The following CCSER1 variants were observed in gnomAD, a reference collection of about 807,000 sequenced individuals.
The protein encoded by CCSER1 is coiled-coil serine rich protein 1.
In CCSER1, 41 loss-of-function variants were observed where a neutral mutation model predicts 82.0. That is an observed-to-expected ratio of 0.50 (90% CI 0.39 to 0.65). The LOEUF is 0.65. CCSER1 is among the 30% of genes least tolerant of loss of function. CCSER1 has a pLI of 0.00. For missense variants in CCSER1, 1,119 were observed against 1,064.2 expected, an observed-to-expected ratio of 1.05 and a Z score of -0.72; for synonymous variants, 414 against 383.9, an observed-to-expected ratio of 1.08 and a Z score of -0.92.
intron 5 of CCSER1, among the ~76,000 whole-genome samples, chr4:90,611,234 G>A (rs906310546): frequency 2.0e-5 from 3 of 151,774 alleles, no homozygotes; most frequent in Non-Finnish European, 4.4e-5. Flanking sequence ...GAAAAAAGCT[G>A]TCAAATGACA....
intron 9 of CCSER1, among the ~76,000 whole-genome samples, chr4:91,042,024 A>G (rs1349870128): frequency 6.6e-6 from 1 of 152,154 alleles, no homozygotes; most frequent in Non-Finnish European, 1.5e-5. Flanking sequence ...TTCAGTTATA[A>G]AATCTAACCT....
rs76331329 is a variant in CCSER1 at position 90,732,027 on chromosome 4, T to TTCTCTCTCTCTCTCTCTCTCTCTCTC, written c.2010+8045_2010+8070dup. On this transcript the variant is annotated intron_variant, in intron 7 of 10. Coordinates refer to ENST00000509176, the MANE Select transcript of CCSER1 (RefSeq NM_001145065.2). ...CTGAAAACACTGTACCTATTGGGAT[T>TTCTCTCTCTCTCTCTCTCTCTCTCTC]TCTCTCTCTCTCTCTCTCTCTCTCT... is the stretch of plus-strand genomic sequence containing the variant. Among the ~76,000 whole-genome samples the TTCTCTCTCTCTCTCTCTCTCTCTCTC allele has an allele frequency of 5.6e-4, 73 of 131,170 alleles. 1 individual carries two copies. Among genetic ancestry groups the TTCTCTCTCTCTCTCTCTCTCTCTCTC allele is most frequent in the African/African-American group, 1.8e-3 (54 of 30,840 alleles). The allele number at this position is 131,170 out of a possible 152,430, so 86.1% of individuals were successfully genotyped here. A position where few individuals can be genotyped will look rare whatever the true frequency, so the allele number is the denominator to read the frequency against.
intron 6 of CCSER1, among the ~76,000 whole-genome samples, chr4:90,672,111 A>C (rs1057087837): frequency 1.4e-4 from 21 of 150,358 alleles, no homozygotes; most frequent in Non-Finnish European, 1.8e-4. Context: ...ATAATTCTTA[A>C]GGACCCTAGA....
intron 10 of CCSER1, among the ~76,000 whole-genome samples, chr4:91,211,228 A>G (rs1055328181): frequency 3.3e-5 from 5 of 152,032 alleles, no homozygotes; most frequent in African/African-American, 1.2e-4. Context: ...GAGGAAGATG[A>G]TGGTGGCTTG....
Position 90,763,947 on chromosome 4 carries a change from A to G in CCSER1, c.2010+39956A>G, listed in dbSNP as rs147901858. 1.5e-3 allele frequency among the ~76,000 whole-genome samples: 235 copies of G among 152,284 alleles called. 1 individual carries two copies. Among genetic ancestry groups the G allele is most frequent in the African/African-American group, 5.5e-3 (227 of 41,570 alleles). ...CTCTGCATTAGCTTTTAAAATGTTT[A>G]TGATTTTATAAAGAGCTTCTAATTT... On this transcript the variant is annotated intron_variant, in intron 7 of 10. Coordinates refer to ENST00000509176, the MANE Select transcript of CCSER1 (RefSeq NM_001145065.2).
intron 3 of CCSER1, among the ~76,000 whole-genome samples, chr4:90,369,276 GAAGA>G (rs997607273): frequency 1.5e-4 from 21 of 142,718 alleles, no homozygotes; most frequent in South Asian, 2.3e-4. Flanking sequence ...GAAAGAAGAA[GAAGA>G]AAGAAAGGAG....
chr4:90,610,879 T>G (rs1036334489), intron 5 of CCSER1, among the ~76,000 whole-genome samples: 4 of 152,028 alleles, frequency 2.6e-5, no homozygotes, highest in African/African-American at 7.2e-5. Flanking sequence ...ATATTCTTTT[T>G]TTGTTGTTGT....
intron 7 of CCSER1, among the ~76,000 whole-genome samples, chr4:90,770,955 T>G (rs1222286606): frequency 1.3e-5 from 2 of 152,298 alleles, no homozygotes; most frequent in East Asian, 3.9e-4. Flanking sequence ...AAAAAACAGT[T>G]GTGATTTTTA....
At chr4:90,295,606 C>T (rs1260218373) in intron 1 of CCSER1, among the ~76,000 whole-genome samples, 1 of 151,918 alleles carries the variant, frequency 6.6e-6, no homozygotes, top group Non-Finnish European at 1.5e-5. Flanking sequence ...TCAGGAATTA[C>T]TTGTTCTTAT....
At chr4:91,195,894 C>T (rs1735367827) in intron 10 of CCSER1, among the ~76,000 whole-genome samples, 1 of 151,806 alleles carries the variant, frequency 6.6e-6, no homozygotes, top group African/African-American at 2.4e-5. Context: ...TTCATGACTC[C>T]ACCTTGCCAT....
chr4:90,156,331 GA>G, intron 1 of CCSER1, among the ~76,000 whole-genome samples: 1 of 152,250 alleles, frequency 6.6e-6, no homozygotes, highest in East Asian at 1.9e-4. Flanking sequence ...GTGTGGTGCT[GA>G]AAAAAATGTG....
At chr4:91,400,753 G>A (rs1578365206) in intron 10 of CCSER1, among the ~76,000 whole-genome samples, 1 of 151,400 alleles carries the variant, frequency 6.6e-6, no homozygotes, top group African/African-American at 2.4e-5. Flanking sequence ...TCAACTGCTT[G>A]TAAAATGTAT....
At chr4:90,833,014 C>A (rs1186529805) in intron 8 of CCSER1, among the ~76,000 whole-genome samples, 1 of 152,172 alleles carries the variant, frequency 6.6e-6, no homozygotes. Flanking sequence ...TTATTCACAG[C>A]TTTTCAAATA....
intron 9 of CCSER1, among the ~76,000 whole-genome samples, chr4:91,046,809 C>T (rs1458203922): frequency 6.6e-6 from 1 of 151,980 alleles, no homozygotes; most frequent in Non-Finnish European, 1.5e-5. Flanking sequence ...CCCGCACCTC[C>T]CAGGTTCAAG....
intron 10 of CCSER1, among the ~76,000 whole-genome samples, chr4:91,373,663 C>T (rs137995351): frequency 6.6e-6 from 1 of 152,026 alleles, no homozygotes; most frequent in African/African-American, 2.4e-5. Flanking sequence ...GTTAATGACC[C>T]TACAATGGCC....
chr4:90,591,809 A>T (rs1273166369), intron 5 of CCSER1, among the ~76,000 whole-genome samples: 1 of 152,228 alleles, frequency 6.6e-6, no homozygotes, highest in Admixed American at 6.5e-5. Context: ...GATAGACCGG[A>T]TAAAGAAAAT....
At chr4:90,441,289 A>T (rs1759841223) in intron 4 of CCSER1, among the ~76,000 whole-genome samples, 1 of 152,126 alleles carries the variant, frequency 6.6e-6, no homozygotes, top group South Asian at 2.1e-4. Flanking sequence ...GCCATAACAA[A>T]ATAGCATAGA....
intron 4 of CCSER1, among the ~76,000 whole-genome samples, chr4:90,409,211 A>AT (rs1284794523): frequency 2.6e-5 from 4 of 152,256 alleles, no homozygotes; most frequent in Non-Finnish European, 4.4e-5. Flanking sequence ...ACTCTGCAGG[A>AT]TATTATCCAG....
At chr4:91,377,175 G>C (rs1323943756) in intron 10 of CCSER1, among the ~76,000 whole-genome samples, 2 of 152,110 alleles carry the variant, frequency 1.3e-5, no homozygotes, top group African/African-American at 4.8e-5. Flanking sequence ...TTGGTTCCAA[G>C]TCTTTGCTAT....
Sources: allele counts gnomAD v4.1 joint callset (sites outside exome capture counted in the v4.1 genomes callset), GRCh38; gene constraint gnomAD v4.1.1; transcripts MANE v1.5; gene names NCBI Gene and HGNC (gene_info 2026-07-23, HGNC 2026-07-21).